Variants in EFCAB5 observed in about 807,000 individuals in gnomAD.
The protein encoded by EFCAB5 is EF-hand calcium binding domain 5, also known as EF-hand calcium-binding domain-containing protein 5.
EFCAB5 carries 131 observed loss-of-function variants against 167.9 expected under a neutral mutation model. The observed-to-expected ratio is 0.78, with a 90% confidence interval of 0.68 to 0.90. The LOEUF (loss-of-function observed/expected upper bound fraction) is 0.90, where lower values mean the gene tolerates loss of function less well. Ranked by LOEUF, EFCAB5 falls within the 40% of genes least tolerant of loss-of-function variation. EFCAB5 has a pLI of 0.00. For missense variants in EFCAB5, 1,663 were observed against 1,745.2 expected (o/e 0.95, Z 0.84); for synonymous variants, 574 against 602.8 (o/e 0.95, Z 0.70).
chr17:30,089,427 T>C (rs2071152339), intron 19 of EFCAB5, among the ~76,000 whole-genome samples: 1 of 152,100 alleles, frequency 6.6e-6, no homozygotes. Context: ...TTTTCGAGGA[T>C]GCAAAGTACC....
At chr17:30,057,943 T>A in intron 13 of EFCAB5, 53 bp downstream of exon 13, 1 of 1,502,112 alleles carries the variant, frequency 6.7e-7, no homozygotes, top group South Asian at 1.2e-5. Context: ...TATAAGTAAA[T>A]CTCTCAACCT....
In EFCAB5 at chr17:29,968,798, C is replaced by T. The variant is rs1201855190; in HGVS notation, c.198C>T (p.Asn66=). 6.7e-7 allele frequency: 1 copy of T among 1,488,474 alleles called. No individual in the cohort carries two copies. Among genetic ancestry groups the T allele is most frequent in the African/African-American group, 1.4e-5 (1 of 70,194 alleles). The allele number at this position is 1,488,474 out of a possible 1,614,324, so 92.2% of individuals were successfully genotyped here. Residue 66 remains asparagine (N), a synonymous_variant, in exon 4 of 23, where the codon AAC becomes AAT. Transcript: ENST00000394835. ...AMDEIKSQEL[N]LEGQRKISPG... is the part of the protein sequence containing the mutation. ...ACTTTTTTTTCCCCTCAGAATTAAA[C>T]CTGGAGGGGCAGCGAAAAATTTCAC...
At chr17:29,951,524 T>A (rs1328668558) in intron 3 of EFCAB5, among the ~76,000 whole-genome samples, 1 of 138,938 alleles carries the variant, frequency 7.2e-6, no homozygotes, top group East Asian at 1.9e-4. Context: ...TTTTTTTTTT[T>A]ATTTTTTTTT....
At chr17:30,049,405 G>A (rs112243998) in intron 8 of EFCAB5, among the ~76,000 whole-genome samples, 4 of 151,890 alleles carry the variant, frequency 2.6e-5, no homozygotes, top group African/African-American at 9.7e-5. Flanking sequence ...GCTTGAACCC[G>A]GGAGGCGGAG....
chr17:30,032,428 C>T (rs1597700025), intron 7 of EFCAB5, among the ~76,000 whole-genome samples: 2 of 152,274 alleles, frequency 1.3e-5, no homozygotes, highest in Non-Finnish European at 1.5e-5. Context: ...ATAAGGATTA[C>T]TTTCAGCTAA....
At chr17:29,971,920 G>T (rs1191651652) in intron 4 of EFCAB5, among the ~76,000 whole-genome samples, 1 of 152,028 alleles carries the variant, frequency 6.6e-6, no homozygotes, top group Non-Finnish European at 1.5e-5. Context: ...TGGATGCATG[G>T]ATTTTAATAT....
Position 30,043,223 on chromosome 17 carries a change from A to T in EFCAB5, c.1201-7895A>T, listed in dbSNP as rs546002639. Among the ~76,000 whole-genome samples, 155 of 152,278 alleles carry T rather than the reference A, an allele frequency of 1.0e-3. 1 individual carries two copies. Among genetic ancestry groups the T allele is most frequent in the Non-Finnish European group, 1.7e-3 (118 of 68,016 alleles). On this transcript the variant is annotated intron_variant, in intron 8 of 22. Coordinates refer to ENST00000394835, the MANE Select transcript of EFCAB5 (RefSeq NM_198529.4). ...CTCATTTCTGATACAAAAATTTTTT[A>T]AAAAACCTCTCAACACACTAAAATT...
In EFCAB5 at chr17:29,972,004, G is replaced by A. The variant is rs115507899; in HGVS notation, c.767+2637G>A. On this transcript the variant is annotated intron_variant, in intron 4 of 22. Coordinates refer to ENST00000394835, the MANE Select transcript of EFCAB5 (RefSeq NM_198529.4). Reference sequence around the variant, plus strand: ...TCAAATTGCACCAACTTTGGCTTCTGTTTTCTGACATTACCCCTTTAGTCT... The same window carrying A: ...TCAAATTGCACCAACTTTGGCTTCTATTTTCTGACATTACCCCTTTAGTCT... Among the ~76,000 whole-genome samples the A allele has an allele frequency of 7.2e-3, 1,090 of 151,248 alleles. 15 individuals are homozygous for A. Among genetic ancestry groups the A allele is most frequent in the African/African-American group, 0.023 (933 of 41,282 alleles).
chr17:30,049,515 A>C (rs1382792095), intron 8 of EFCAB5, among the ~76,000 whole-genome samples: 1 of 152,130 alleles, frequency 6.6e-6, no homozygotes, highest in Non-Finnish European at 1.5e-5. Context: ...ACAAAAAAAA[A>C]ACAAAAGAAA....
chr17:30,077,994 A>G (rs1300846742), intron 14 of EFCAB5, among the ~76,000 whole-genome samples: 1 of 152,210 alleles, frequency 6.6e-6, no homozygotes, highest in Non-Finnish European at 1.5e-5. Context: ...GGTAAAATTA[A>G]AACAAAACAA....
At chr17:30,005,850 G>A (rs1040574162) in intron 7 of EFCAB5, among the ~76,000 whole-genome samples, 6 of 152,218 alleles carry the variant, frequency 3.9e-5, no homozygotes, top group African/African-American at 1.2e-4. Flanking sequence ...AGTCAAGCCT[G>A]TAGGCCATCA....
Position 29,969,047 on chromosome 17 carries a change from A to C in EFCAB5, c.447A>C (p.Lys149Asn). The C allele has an allele frequency of 6.2e-7, 1 of 1,601,644 alleles. No homozygotes were observed. Among genetic ancestry groups the C allele is most frequent in the Non-Finnish European group, 8.5e-7 (1 of 1,175,402 alleles). ...LKKELEKKAEKKLPRDNLAKE... is the reference protein window; with the variant it reads ...LKKELEKKAENKLPRDNLAKE... ...AGGAACTAGAAAAAAAGGCTGAAAA[A>C]AAACTCCCTAGGGATAATTTGGCCA... is the stretch of plus-strand genomic sequence containing the variant. The change falls in exon 4 of 23, where the codon AAA (lysine) becomes AAC (asparagine). Residue 149 changes from lysine (K) to asparagine (N), a missense_variant. Transcript: ENST00000394835.
intron 7 of EFCAB5, among the ~76,000 whole-genome samples, chr17:30,022,888 A>C (rs2069216580): frequency 6.6e-6 from 1 of 152,134 alleles, no homozygotes; most frequent in Non-Finnish European, 1.5e-5. Context: ...ACTCAAAACC[A>C]CTCAACTAAA....
At chr17:30,002,345 A>G (rs987324941) in intron 7 of EFCAB5, among the ~76,000 whole-genome samples, 2 of 152,158 alleles carry the variant, frequency 1.3e-5, no homozygotes, top group African/African-American at 4.8e-5. Context: ...GTGTGTGTAT[A>G]GTATTATGTT....
intron 8 of EFCAB5, among the ~76,000 whole-genome samples, chr17:30,048,659 T>C (rs1466271376): frequency 6.6e-6 from 1 of 152,052 alleles, no homozygotes; most frequent in Non-Finnish European, 1.5e-5. Flanking sequence ...GGCTAATTTT[T>C]ATATTTTTAG....
At chr17:30,099,021 T>G (rs955199394) in intron 22 of EFCAB5, among the ~76,000 whole-genome samples, 1 of 152,242 alleles carries the variant, frequency 6.6e-6, no homozygotes, top group Non-Finnish European at 1.5e-5. Flanking sequence ...TATTCTATGA[T>G]AGACAACATT....
intron 3 of EFCAB5, among the ~76,000 whole-genome samples, chr17:29,944,617 G>GTT (rs1223652580): frequency 4.4e-4 from 62 of 139,456 alleles, no homozygotes; most frequent in Non-Finnish European, 5.9e-4. Flanking sequence ...GTTGTTTTCT[G>GTT]TTTTGTTTTG....
chr17:29,996,021 C>T (rs1402435954), intron 5 of EFCAB5, among the ~76,000 whole-genome samples: 3 of 152,130 alleles, frequency 2.0e-5, no homozygotes, highest in Non-Finnish European at 4.4e-5. Context: ...CTTTTTAGTT[C>T]TTCAAGCTAG....
intron 18 of EFCAB5, among the ~76,000 whole-genome samples, chr17:30,086,288 A>G (rs762523899): frequency 3.3e-5 from 5 of 152,222 alleles, no homozygotes; most frequent in African/African-American, 1.2e-4. Flanking sequence ...AAAAATATTG[A>G]TCAAGACTCA....
Sources: gnomAD v4.1 joint callset for allele counts (sites outside exome capture counted in the v4.1 genomes callset) on GRCh38, gnomAD v4.1.1 for gene constraint, MANE v1.5 for transcripts, NCBI Gene and HGNC (gene_info 2026-07-23, HGNC 2026-07-21) for gene names.